The following THRB variants were observed in gnomAD, a reference collection of about 807,000 sequenced individuals.
THRB encodes the protein thyroid hormone receptor beta.
In THRB, 12 loss-of-function variants were observed where a neutral mutation model predicts 47.8. The observed-to-expected ratio is 0.25, with a 90% CI of 0.16 to 0.41. The LOEUF is 0.41. Among genes scored for constraint, THRB ranks in the 10% least tolerant of loss-of-function variants. THRB has a pLI of 1.00. For missense variants in THRB, 348 were observed against 589.2 expected (o/e 0.59, Z 4.24); for synonymous variants, 218 against 212.2 (o/e 1.03, Z -0.24).
intron 1 of THRB, among the ~76,000 whole-genome samples, chr3:24,340,420 C>T (rs2149450947): frequency 6.6e-6 from 1 of 151,950 alleles, no homozygotes; most frequent in East Asian, 1.9e-4. Flanking sequence ...CTCTCTCTCT[C>T]TCATCTCTGG....
chr3:24,272,031 G>A (rs2053387047), intron 3 of THRB, among the ~76,000 whole-genome samples: 1 of 152,126 alleles, frequency 6.6e-6, no homozygotes, highest in Admixed American at 6.6e-5. Context: ...TGGATGGATA[G>A]GATTGCGGAC....
intron 4 of THRB, among the ~76,000 whole-genome samples, chr3:24,209,535 A>T (rs2045784250): frequency 6.6e-6 from 1 of 152,230 alleles, no homozygotes; most frequent in Non-Finnish European, 1.5e-5. Context: ...AGGGACATGG[A>T]TGAAGCTGGA....
At chr3:24,218,282 AAC>A (rs1456316619) in intron 4 of THRB, among the ~76,000 whole-genome samples, 2 of 151,656 alleles carry the variant, frequency 1.3e-5, no homozygotes, top group South Asian at 2.1e-4. Context: ...AAAAACAAAA[AAC>A]AAAAAAAAAT....
intron 1 of THRB, among the ~76,000 whole-genome samples, chr3:24,388,414 G>C (rs2066302881): frequency 6.6e-6 from 1 of 152,096 alleles, no homozygotes; most frequent in Non-Finnish European, 1.5e-5. Flanking sequence ...CTGCTTTCTA[G>C]AGCGCCTAAC....
rs1193396702 is a variant in THRB at position 24,127,589 on chromosome 3, C to T, written c.1054G>A (p.Ala352Thr). The T allele has an allele frequency of 1.9e-6, 3 of 1,614,164 alleles. No homozygotes were observed. Among genetic ancestry groups the T allele is most frequent in the Non-Finnish European group, 2.5e-6 (3 of 1,180,026 alleles). ...KNGGLGVVSD[A>T]IFDLGMSLSS... is the part of the protein sequence containing the mutation. The stretch of plus-strand genomic sequence containing the variant: ...AGAGACATGCCCAGGTCAAAGATGG[C>T]GTCTGACACCACCCCAAGACCCCCA... The change falls in exon 10 of 11, where the codon GCC (alanine) becomes ACC (threonine). Residue 352 changes from alanine to threonine, a missense_variant. Coordinates refer to ENST00000646209, the MANE Select transcript of THRB (RefSeq NM_001354712.2).
intron 3 of THRB, among the ~76,000 whole-genome samples, chr3:24,266,111 G>T (rs1559774933): frequency 6.6e-6 from 1 of 152,298 alleles, no homozygotes; most frequent in African/African-American, 2.4e-5. Context: ...TATAGAAATT[G>T]ATAGGGTTTT....
At chr3:24,430,921 G>GCC (rs1560168646) in intron 1 of THRB, 2 of 152,130 alleles carry the variant, frequency 1.3e-5, no homozygotes, top group African/African-American at 4.8e-5. Flanking sequence ...CTCCAGATGT[G>GCC]TGCATTGATG....
At chr3:24,405,727 T>C (rs2067774335) in intron 1 of THRB, among the ~76,000 whole-genome samples, 1 of 151,926 alleles carries the variant, frequency 6.6e-6, no homozygotes, top group Admixed American at 6.6e-5. Flanking sequence ...TGCTTTTTTT[T>C]CTTCCACATG....
At position 24,190,835 on chromosome 3, in the gene THRB, A is replaced by C. The variant is rs1486011529; in HGVS notation, c.23-501T>G. Among the ~76,000 whole-genome samples the C allele has an allele frequency of 5.9e-5, 9 of 151,654 alleles. No individual in the cohort carries two copies. In the East Asian group the frequency reaches 1.6e-3, roughly 26 times the overall value. ...GACGTGCTCACGTGGCCACACCGAG[A>C]GTGGCAACTCTGTTTTTACCACCTT... is the stretch of plus-strand genomic sequence containing the variant. On this transcript the variant is annotated intron_variant, in intron 4 of 10. Transcript: ENST00000646209.
Position 24,230,961 on chromosome 3 carries a change from G to A in THRB, c.-42-1960C>T, listed in dbSNP as rs79473286. Reference sequence around the variant, plus strand: ...CCACCTGGAAAAAGTCCATTTGAAGGTGAGAGAGAGGATCCATCTGACATT... The same window carrying A: ...CCACCTGGAAAAAGTCCATTTGAAGATGAGAGAGAGGATCCATCTGACATT... On this transcript the variant is annotated intron_variant, in intron 3 of 10. Transcript: ENST00000646209. Among the ~76,000 whole-genome samples, 912 of 152,294 alleles carry A rather than the reference G, an allele frequency of 6.0e-3. 5 individuals are homozygous for A. The highest frequency in any genetic ancestry group is 0.02 in the African/African-American group (820 of 41,568).
chr3:24,363,095 C>A (rs551319498), intron 1 of THRB, among the ~76,000 whole-genome samples: 1 of 152,016 alleles, frequency 6.6e-6, no homozygotes, highest in African/African-American at 2.4e-5. Flanking sequence ...TTTGGATGAT[C>A]ATTTGTAGAG....
At chr3:24,347,642 A>AT (rs1291576335) in intron 1 of THRB, among the ~76,000 whole-genome samples, 1 of 150,884 alleles carries the variant, frequency 6.6e-6, no homozygotes, top group East Asian at 1.9e-4. Context: ...TTTTTAAAGA[A>AT]TAAAAAAAAG....
intron 4 of THRB, among the ~76,000 whole-genome samples, chr3:24,198,772 CTG>C (rs975713878): frequency 6.6e-6 from 1 of 152,114 alleles, no homozygotes; most frequent in African/African-American, 2.4e-5. Context: ...GCTCTTGAGA[CTG>C]TGAACAGATC....
intron 4 of THRB, among the ~76,000 whole-genome samples, chr3:24,212,573 G>A (rs1305692463): frequency 4.2e-5 from 3 of 70,954 alleles, no homozygotes; most frequent in African/African-American, 1.5e-4. Context: ...GAACGACTCC[G>A]TCTCAAAAAA....
At chr3:24,432,195 CAAGTT>C (rs1396767073) in intron 1 of THRB, among the ~76,000 whole-genome samples, 2 of 151,922 alleles carry the variant, frequency 1.3e-5, no homozygotes, top group Non-Finnish European at 2.9e-5. Context: ...ATACATAAAA[CAAGTT>C]AAGGAAAGAA....
chr3:24,279,333 A>G (rs1305671555), intron 3 of THRB, among the ~76,000 whole-genome samples: 1 of 152,106 alleles, frequency 6.6e-6, no homozygotes, highest in Non-Finnish European at 1.5e-5. Flanking sequence ...GAAAGAAGCT[A>G]TGGTTTCTGC....
In THRB at chr3:24,117,654, A is replaced by C. The variant is rs750149585; in HGVS notation, c.*5230T>G. ...GAAAGGCCATGTGAATGTTAAGTCT[A>C]CATGAATGACAAAAAAAGGAGCTTC... On this transcript the variant is annotated 3_prime_UTR_variant, in exon 11 of 11. Coordinates refer to ENST00000646209, the MANE Select transcript of THRB (RefSeq NM_001354712.2). The C allele has an allele frequency of 6.6e-6, 1 of 152,272 alleles. No individual in the cohort carries two copies. Among genetic ancestry groups the C allele is most frequent in the Non-Finnish European group, 1.5e-5 (1 of 68,050 alleles). 9.4% of individuals were successfully genotyped at this position (152,272 alleles called of 1,614,324 possible). A position where few individuals can be genotyped will look rare whatever the true frequency, so the allele number is the denominator to read the frequency against.
intron 1 of THRB, among the ~76,000 whole-genome samples, chr3:24,429,206 CAT>C (rs1170661548): frequency 6.6e-6 from 1 of 150,734 alleles, no homozygotes; most frequent in Non-Finnish European, 1.5e-5. Context: ...GGGGAGGAGA[CAT>C]AAATATGTGA....
At chr3:24,169,864 G>A (rs1194014717) in intron 5 of THRB, among the ~76,000 whole-genome samples, 1 of 151,980 alleles carries the variant, frequency 6.6e-6, no homozygotes, top group Non-Finnish European at 1.5e-5. Flanking sequence ...GCCTGTGGCT[G>A]CTTTTGTGCT....
Sources: gnomAD v4.1 joint callset for allele counts (sites outside exome capture counted in the v4.1 genomes callset) on GRCh38, gnomAD v4.1.1 for gene constraint, MANE v1.5 for transcripts, NCBI Gene and HGNC (gene_info 2026-07-23, HGNC 2026-07-21) for gene names.